Variants in FUCA2 observed in about 807,000 individuals in gnomAD.
FUCA2 encodes the protein alpha-L-fucosidase 2.
Under a neutral mutation model 52.6 loss-of-function variants are expected in FUCA2, and 41 were observed. The ratio of observed to expected loss-of-function variants is 0.78; its 90% confidence interval spans 0.61 to 1.01. The LOEUF (loss-of-function observed/expected upper bound fraction) is 1.01. FUCA2 is among the 50% of genes least tolerant of loss of function. The pLI, the probability that FUCA2 is intolerant of heterozygous loss-of-function variation, is 0.00. For synonymous variants in FUCA2, 211 were observed against 217.3 expected, an observed-to-expected ratio of 0.97 and a Z score of 0.26; for missense variants, 507 against 569.5, an observed-to-expected ratio of 0.89 and a Z score of 1.12.
rs762179871 is a variant in FUCA2 at position 143,511,466 on chromosome 6, T to A, written c.169A>T (p.Ile57Phe). Residue 57 changes from isoleucine (I) to phenylalanine (F), a missense_variant, in exon 1 of 7, where the codon ATC becomes TTC. Ile to Phe is a conservative substitution (Grantham distance 21). Transcript: ENST00000002165. This position sits in a 1 kb window ranked among gnomAD's most constrained non-coding sequence, Gnocchi z 6.3. Reference sequence around the variant, plus strand: ...GAAAACACTCCCCAGTGGATGAAGATGCCGAACTTGGCCTGGTCAAACCAC... The same window carrying A: ...GAAAACACTCCCCAGTGGATGAAGAAGCCGAACTTGGCCTGGTCAAACCAC... Reference protein sequence around the residue: ...PAWFDQAKFGIFIHWGVFSVP... With the variant: ...PAWFDQAKFGFFIHWGVFSVP... 3.1e-6 allele frequency: 5 copies of A among 1,610,000 alleles called. No homozygotes were observed. The highest frequency in any genetic ancestry group is 4.2e-6 in the Non-Finnish European group (5 of 1,178,256).
rs376780281 is a variant in FUCA2, at chr6:143,500,683, G to T, written c.1154+1249C>A. Among the ~76,000 whole-genome samples the T allele has an allele frequency of 6.6e-6, 1 of 152,160 alleles. No homozygotes were observed. Among genetic ancestry groups the T allele is most frequent in the African/African-American group, 2.4e-5 (1 of 41,430 alleles). ...TAATGCAAAGGAACAGGTAACAAAG[G>T]TCAAGCGGACAAGACCCCTAGAAGA... On this transcript the variant is annotated intron_variant, in intron 5 of 6. Coordinates refer to ENST00000002165, the MANE Select transcript of FUCA2 (RefSeq NM_032020.5). This position sits in a 1 kb window ranked among gnomAD's most constrained non-coding sequence, Gnocchi z 6.9.
rs199718880 is a variant in FUCA2, at chr6:143,501,957, T to G, written c.1129A>C (p.Asn377His). 7.7e-5 allele frequency: 125 copies of G among 1,613,694 alleles called. No individual in the cohort carries two copies. The highest frequency in any genetic ancestry group is 9.7e-5 in the Non-Finnish European group (114 of 1,179,866). Residue 377 changes from asparagine (N) to histidine (H), a missense_variant, in exon 5 of 7, where the codon AAT (asparagine) becomes CAT (histidine). Coordinates refer to ENST00000002165, the MANE Select transcript of FUCA2 (RefSeq NM_032020.5). The surrounding 1 kb of genome is among the most constrained non-coding windows in gnomAD (Gnocchi z 6.1). ...IYETHTWRSQ[N>H]DTVTPDVWYT... ...CACACATCTGGGGTGACAGTGTCAT[T>G]CTGGGATCGCCAGGTATGGGTTTCA... is the stretch of plus-strand genomic sequence containing the variant.
At position 143,511,531 on chromosome 6, in the gene FUCA2, T is replaced by G. The variant is rs1302501668; in HGVS notation, c.104A>C (p.Asp35Ala). 2 of 1,586,704 alleles carry G rather than the reference T, an allele frequency of 1.3e-6. No homozygotes were observed. The highest frequency in any genetic ancestry group is 2.3e-5 in the South Asian group (2 of 87,618). ...GGCGTCCAGGGACTCCCAGGTGGGG[T>G]CGAAGCGCGTGGCGCTGTGGGCAGG... ...PCPAHSATRFDPTWESLDARQ... is the reference protein window; with the variant it reads ...PCPAHSATRFAPTWESLDARQ... The change falls in exon 1 of 7, where the codon GAC becomes GCC. Residue 35 changes from aspartate to alanine, a missense_variant. Coordinates refer to ENST00000002165, the MANE Select transcript of FUCA2 (RefSeq NM_032020.5). This position sits in a 1 kb window ranked among gnomAD's most constrained non-coding sequence, Gnocchi z 6.3.
chr6:143,509,594 T>G lies in FUCA2; in HGVS notation c.224+1817A>C, dbSNP rs1024162175. On this transcript the variant is annotated intron_variant, in intron 1 of 6. Transcript: ENST00000002165. This position sits in a 1 kb window ranked among gnomAD's most constrained non-coding sequence, Gnocchi z 5.4. Reference sequence around the variant, plus strand: ...TTCATGGTTGAACAAAATGATAATATAAGATACAATTTAGGGGGAAGAAAG... The same window carrying G: ...TTCATGGTTGAACAAAATGATAATAGAAGATACAATTTAGGGGGAAGAAAG... Among the ~76,000 whole-genome samples the G allele has an allele frequency of 2.0e-5, 3 of 152,192 alleles. No homozygotes were observed. The highest frequency in any genetic ancestry group is 6.5e-5 in the Admixed American group (1 of 15,284).
Position 143,507,451 on chromosome 6 carries a change from T to A in FUCA2, c.225-27A>T. ...TAAGGGGAGGAAAGGAAAGAGTGCATAAACAGCACATACACACATATTTAA... is the reference window on the plus strand; with the variant it reads ...TAAGGGGAGGAAAGGAAAGAGTGCAAAAACAGCACATACACACATATTTAA... On this transcript the variant is annotated intron_variant, in intron 1 of 6. Coordinates refer to ENST00000002165, the MANE Select transcript of FUCA2 (RefSeq NM_032020.5). The surrounding 1 kb of genome is among the most constrained non-coding windows in gnomAD (Gnocchi z 4.5). The A allele has an allele frequency of 6.6e-7, 1 of 1,516,774 alleles. No individual in the cohort carries two copies. The highest frequency in any genetic ancestry group is 8.9e-7 in the Non-Finnish European group (1 of 1,121,650). 94.0% of individuals were successfully genotyped at this position (1,516,774 alleles called of 1,614,324 possible).
In FUCA2 at chr6:143,502,457, C is replaced by T. The variant is rs1202964497; in HGVS notation, c.861G>A (p.Leu287=). The stretch of plus-strand genomic sequence containing the variant: ...TCATGCAGTTTTCCCATTTATGTGG[C>T]AAAAGATGTCCTGGGTTATAACGAT... The part of the protein sequence containing the change: ...CSDRYNPGHL[L]PHKWENCMTI... The change falls in exon 4 of 7, where the codon TTG becomes TTA. Residue 287 remains leucine (L), a synonymous_variant. Transcript: ENST00000002165. The surrounding 1 kb of genome is among the most constrained non-coding windows in gnomAD (Gnocchi z 4.1). The T allele has an allele frequency of 6.2e-7, 1 of 1,613,964 alleles. No homozygotes were observed. Among genetic ancestry groups the T allele is most frequent in the African/African-American group, 1.3e-5 (1 of 74,912 alleles).
At position 143,511,439 on chromosome 6, in the gene FUCA2, C is replaced by T. The variant is rs1417834533; in HGVS notation, c.196G>A (p.Val66Met). ...AACCACTCGCTACCGAAGCTGGGCA[C>T]GGAAAACACTCCCCAGTGGATGAAG... ...GIFIHWGVFS[V>M]PSFGSEWFWW... The change falls in exon 1 of 7, where the codon GTG (valine) becomes ATG (methionine). Residue 66 changes from valine (V) to methionine (M), a missense_variant. Coordinates refer to ENST00000002165, the MANE Select transcript of FUCA2 (RefSeq NM_032020.5). This position sits in a 1 kb window ranked among gnomAD's most constrained non-coding sequence, Gnocchi z 6.3. 1 of 1,611,794 alleles carries T rather than the reference C, an allele frequency of 6.2e-7. No homozygotes were observed. The highest frequency in any genetic ancestry group is 8.5e-7 in the Non-Finnish European group (1 of 1,178,912).
Position 143,504,108 on chromosome 6 carries a change from C to T in FUCA2, c.557G>A (p.Trp186Ter). ...RFGLYYSLFEWFHPLFLEDES... is the reference protein window; with the variant it reads ...RFGLYYSLFE ...ATCCTCAAGGAAGAGCGGATGAAAC[C>T]ATTCAAAAAGGGAATAGTACAGTCC... The change falls in exon 3 of 7, where the codon TGG (tryptophan) becomes TAG (stop). Residue 186 changes from tryptophan (W) to a stop codon, truncating the protein, a stop_gained. Coordinates refer to ENST00000002165, the MANE Select transcript of FUCA2 (RefSeq NM_032020.5). LOFTEE classifies it high-confidence loss of function. The surrounding 1 kb of genome is among the most constrained non-coding windows in gnomAD (Gnocchi z 4.4). 1 of 1,613,970 alleles carries T rather than the reference C, an allele frequency of 6.2e-7. No individual in the cohort carries two copies. Among genetic ancestry groups the T allele is most frequent in the Non-Finnish European group, 8.5e-7 (1 of 1,179,980 alleles).
At position 143,501,336 on chromosome 6, in the gene FUCA2, C is replaced by T. The variant is rs567975038; in HGVS notation, c.1154+596G>A. On this transcript the variant is annotated intron_variant, in intron 5 of 6. Transcript: ENST00000002165. This position sits in a 1 kb window ranked among gnomAD's most constrained non-coding sequence, Gnocchi z 6.1. ...ACAGTACTCAGGTGGCAACTGAAAG[C>T]GAATTTTTAGAACTTCACCAATACT... is the stretch of plus-strand genomic sequence containing the variant. Among the ~76,000 whole-genome samples, 4 of 152,168 alleles carry T rather than the reference C, an allele frequency of 2.6e-5. No homozygotes were observed. The highest frequency in any genetic ancestry group is 2.9e-5 in the Non-Finnish European group (2 of 68,040).
At chr6:143,508,744 A>T (rs547446329) in intron 1 of FUCA2, among the ~76,000 whole-genome samples, 1 of 152,366 alleles carries the variant, frequency 6.6e-6, no homozygotes, top group East Asian at 1.9e-4. Flanking sequence ...CAGGCTGAGG[A>T]TGAAAGAAAG....
At position 143,501,924 on chromosome 6, in the gene FUCA2, T is replaced by C. The variant is rs769868046; in HGVS notation, c.1154+8A>G. The stretch of plus-strand genomic sequence containing the variant: ...ATAAAAGAGTACTTGGTAACAAGAA[T>C]GACTTACCACACATCTGGGGTGACA... On this transcript the variant is annotated splice_region_variant and intron_variant, in intron 5 of 6. Transcript: ENST00000002165. The surrounding 1 kb of genome is among the most constrained non-coding windows in gnomAD (Gnocchi z 6.1). 40 of 1,605,254 alleles carry C rather than the reference T, an allele frequency of 2.5e-5. No homozygotes were observed. The highest frequency in any genetic ancestry group is 3.3e-5 in the Non-Finnish European group (39 of 1,174,368).
At position 143,503,355 on chromosome 6, in the gene FUCA2, C is replaced by T. The variant is rs1780555973; in HGVS notation, c.752+558G>A. 1 of 152,996 alleles carries T rather than the reference C, an allele frequency of 6.5e-6. No homozygotes were observed. Among genetic ancestry groups the T allele is most frequent in the African/African-American group, 2.4e-5 (1 of 41,432 alleles). The allele number at this position is 152,996 out of a possible 1,614,324, so 9.5% of individuals were successfully genotyped here. A position where few individuals can be genotyped will look rare whatever the true frequency, so the allele number is the denominator to read the frequency against. ...CAAATTTGGTCCATATAGTTTAAGC[C>T]TAATGGAGGAGTTTAATCAGAACTC... On this transcript the variant is annotated intron_variant, in intron 3 of 6. Coordinates refer to ENST00000002165, the MANE Select transcript of FUCA2 (RefSeq NM_032020.5). This position sits in a 1 kb window ranked among gnomAD's most constrained non-coding sequence, Gnocchi z 4.8.
Position 143,497,766 on chromosome 6 carries a change from A to G in FUCA2, c.1155-269T>C, listed in dbSNP as rs1222484139. Among the ~76,000 whole-genome samples the G allele has an allele frequency of 6.6e-6, 1 of 152,204 alleles. No individual in the cohort carries two copies. Among genetic ancestry groups the G allele is most frequent in the Non-Finnish European group, 1.5e-5 (1 of 68,046 alleles). ...TCATGGAGCTGAAAAGGGGAGGGAG[A>G]TGATCTAAGGGGACAGGATGCAAGA... On this transcript the variant is annotated intron_variant, in intron 5 of 6. Coordinates refer to ENST00000002165, the MANE Select transcript of FUCA2 (RefSeq NM_032020.5). This position sits in a 1 kb window ranked among gnomAD's most constrained non-coding sequence, Gnocchi z 5.3.
rs1024008422 is a variant in FUCA2 at position 143,510,353 on chromosome 6, T to G, written c.224+1058A>C. Among the ~76,000 whole-genome samples, 1 of 152,160 alleles carries G rather than the reference T, an allele frequency of 6.6e-6. No homozygotes were observed. Among genetic ancestry groups the G allele is most frequent in the African/African-American group, 2.4e-5 (1 of 41,422 alleles). On this transcript the variant is annotated intron_variant, in intron 1 of 6. Coordinates refer to ENST00000002165, the MANE Select transcript of FUCA2 (RefSeq NM_032020.5). The surrounding 1 kb of genome is among the most constrained non-coding windows in gnomAD (Gnocchi z 4.4). ...AATACTGTTTAATGATTCCGTTCTT[T>G]TACTTAAGAATATATTATGTGTCCC...
rs1243695032 is a variant in FUCA2, at chr6:143,499,292, C to G, written c.1155-1795G>C. 6.6e-6 allele frequency among the ~76,000 whole-genome samples: 1 copy of G among 152,178 alleles called. No individual in the cohort carries two copies. The highest frequency in any genetic ancestry group is 1.5e-5 in the Non-Finnish European group (1 of 68,032). The stretch of plus-strand genomic sequence containing the variant: ...ATTAAGATAAACGCAGTGGCTCACG[C>G]CTGTAATCCCAGCACTTTGGGAGGC... On this transcript the variant is annotated intron_variant, in intron 5 of 6. Transcript: ENST00000002165. The surrounding 1 kb of genome is among the most constrained non-coding windows in gnomAD (Gnocchi z 6.0).
chr6:143,498,570 T>C (rs1780493266), intron 5 of FUCA2, among the ~76,000 whole-genome samples: 1 of 152,102 alleles, frequency 6.6e-6, no homozygotes, highest in African/African-American at 2.4e-5. Context: ...AAGAGTGTGC[T>C]CTGCCTGTTG....
At position 143,507,762 on chromosome 6, in the gene FUCA2, T is replaced by G. The variant is rs960299411; in HGVS notation, c.225-338A>C. ...ATGGTTCACTGCAACCTTGACCTCCTGTGCTCAAGCAATCCTCTCGCCTTA... is the reference window on the plus strand; with the variant it reads ...ATGGTTCACTGCAACCTTGACCTCCGGTGCTCAAGCAATCCTCTCGCCTTA... On this transcript the variant is annotated intron_variant, in intron 1 of 6. Coordinates refer to ENST00000002165, the MANE Select transcript of FUCA2 (RefSeq NM_032020.5). The surrounding 1 kb of genome is among the most constrained non-coding windows in gnomAD (Gnocchi z 4.5). Among the ~76,000 whole-genome samples the G allele has an allele frequency of 6.6e-6, 1 of 152,164 alleles. No homozygotes were observed. Among genetic ancestry groups the G allele is most frequent in the Non-Finnish European group, 1.5e-5 (1 of 68,028 alleles).
chr6:143,508,583 C>T (rs1199149508), intron 1 of FUCA2, among the ~76,000 whole-genome samples: 1 of 152,236 alleles, frequency 6.6e-6, no homozygotes, highest in Non-Finnish European at 1.5e-5. Context: ...TCCATGCTGG[C>T]CAAGGGAACT....
At position 143,510,638 on chromosome 6, in the gene FUCA2, CAAAAA is replaced by C. The variant is rs57091762; in HGVS notation, c.224+768_224+772del. 1.3e-5 allele frequency among the ~76,000 whole-genome samples: 1 copy of C among 77,086 alleles called. No homozygotes were observed. The highest frequency in any genetic ancestry group is 3.0e-5 in the Non-Finnish European group (1 of 33,630). The allele number at this position is 77,086 out of a possible 152,430, so 50.6% of individuals were successfully genotyped here. A position where few individuals can be genotyped will look rare whatever the true frequency, so the allele number is the denominator to read the frequency against. On this transcript the variant is annotated intron_variant, in intron 1 of 6. Transcript: ENST00000002165. The surrounding 1 kb of genome is among the most constrained non-coding windows in gnomAD (Gnocchi z 4.4). ...TGGGTGACAGAATGAGACTATGTCT[CAAAAA>C]AAAAAAAAAAAGAATATATTATGTG...
Sources: gnomAD v4.1 joint callset for allele counts (sites outside exome capture counted in the v4.1 genomes callset) on GRCh38, gnomAD v4.1.1 for gene constraint, Gnocchi (gnomAD v3.1) non-coding constraint, MANE v1.5 for transcripts, NCBI Gene and HGNC (gene_info 2026-07-23, HGNC 2026-07-21) for gene names.